ASB4: variants seen among roughly 807,000 people sequenced by gnomAD.
ASB4 encodes ankyrin repeat and SOCS box containing 4.
Under a neutral mutation model 38.6 loss-of-function variants are expected in ASB4, and 35 were observed. The ratio of observed to expected loss-of-function variants is 0.91; its 90% CI spans 0.69 to 1.20. The LOEUF (loss-of-function observed/expected upper bound fraction) is 1.20, where lower values mean the gene tolerates loss of function less well. ASB4 is among the 50% of genes most tolerant of loss of function. The pLI, the probability that ASB4 is intolerant of heterozygous loss-of-function variation, is 0.00. For synonymous variants in ASB4, 195 were observed against 201.3 expected (o/e 0.97, Z 0.26); for missense variants, 557 against 527.2 (o/e 1.06, Z -0.55).
At chr7:95,472,497 T>C in the ASB4 span, among the ~76,000 whole-genome samples, 2 of 152,180 alleles carry the variant, frequency 1.3e-5, no homozygotes, top group Non-Finnish European at 2.9e-5. Flanking sequence ...CAAGGTTCTA[T>C]CTCCCTGTGA....
At chr7:95,514,280 A>G (rs1790524747) in intron 2 of ASB4, among the ~76,000 whole-genome samples, 1 of 152,188 alleles carries the variant, frequency 6.6e-6, no homozygotes, top group African/African-American at 2.4e-5. Context: ...CCACAGTACA[A>G]TCCTTCTAGA....
chr7:95,523,894 G>A (rs1309964717), intron 2 of ASB4, among the ~76,000 whole-genome samples: 2 of 152,074 alleles, frequency 1.3e-5, no homozygotes, highest in East Asian at 1.9e-4. Context: ...AAATATTAAC[G>A]TGTCTAACTT....
At chr7:95,492,425 C>T (rs1790185552) in intron 1 of ASB4, among the ~76,000 whole-genome samples, 1 of 152,160 alleles carries the variant, frequency 6.6e-6, no homozygotes, top group South Asian at 2.1e-4. Context: ...TTCTATTCTG[C>T]TTCCACAAAG....
intron 2 of ASB4, among the ~76,000 whole-genome samples, chr7:95,497,042 A>C (rs1790261078): frequency 6.6e-6 from 1 of 151,830 alleles, no homozygotes; most frequent in African/African-American, 2.4e-5. Context: ...GGTGTGGGGT[A>C]GGGTGGGAAG....
At chr7:95,529,759 A>T (rs187646199) in intron 3 of ASB4, among the ~76,000 whole-genome samples, 2 of 152,304 alleles carry the variant, frequency 1.3e-5, no homozygotes, top group East Asian at 3.9e-4. Context: ...TCCTGTGTTG[A>T]GCTCTAAATA....
At chr7:95,477,105 A>AT (rs879286046), upstream of ASB4, among the ~76,000 whole-genome samples, 289 of 146,786 alleles carry the variant, frequency 2.0e-3, 2 homozygotes, top group Middle Eastern at 0.011. Flanking sequence ...ATTGGCTTGG[A>AT]TTTTTTTTTT....
intron 2 of ASB4, among the ~76,000 whole-genome samples, chr7:95,514,665 C>T (rs1029163063): frequency 1.3e-5 from 2 of 152,152 alleles, no homozygotes; most frequent in South Asian, 4.1e-4. Flanking sequence ...ACCTGTCTTA[C>T]CCATTTCTCA....
intron 2 of ASB4, among the ~76,000 whole-genome samples, chr7:95,524,436 G>A (rs1425621880): frequency 6.6e-6 from 1 of 152,014 alleles, no homozygotes; most frequent in Admixed American, 6.5e-5. Flanking sequence ...GATTTTCTGG[G>A]GCTAAGAGTG....
At chr7:95,522,053 CTA>C (rs1401294653) in intron 2 of ASB4, among the ~76,000 whole-genome samples, 1 of 152,058 alleles carries the variant, frequency 6.6e-6, no homozygotes, top group East Asian at 1.9e-4. Flanking sequence ...CTATGTTTGA[CTA>C]TTTCATAATT....
intron 2 of ASB4, among the ~76,000 whole-genome samples, chr7:95,507,659 A>C (rs1562814757): frequency 6.6e-6 from 1 of 152,188 alleles, no homozygotes; most frequent in Non-Finnish European, 1.5e-5. Flanking sequence ...TTGATTGTTA[A>C]AAATTTATTG....
At chr7:95,536,609 G>A in intron 4 of ASB4, 59 bp downstream of exon 4, 1 of 1,248,668 alleles carries the variant, frequency 8.0e-7, no homozygotes, top group South Asian at 1.3e-5. Flanking sequence ...GACTGCTCTA[G>A]AAGTACAGAA....
At chr7:95,549,746 A>G in the ASB4 span, among the ~76,000 whole-genome samples, 4,566 of 152,242 alleles carry the variant, frequency 0.03, 214 homozygotes, top group African/African-American at 0.1. Flanking sequence ...GCCTGCCCAG[A>G]GGGTCTAGGA....
chr7:95,506,887 T>C (rs1790417379), intron 2 of ASB4, among the ~76,000 whole-genome samples: 1 of 152,056 alleles, frequency 6.6e-6, no homozygotes, highest in South Asian at 2.1e-4. Flanking sequence ...ATTACTATTA[T>C]TTGGATATCG....
intron 1 of ASB4, among the ~76,000 whole-genome samples, chr7:95,480,296 T>C (rs977586477): frequency 1.9e-4 from 29 of 152,264 alleles, no homozygotes; most frequent in African/African-American, 6.3e-4. Context: ...GTATAAAAGC[T>C]CCATAAAGGT....
upstream of ASB4, among the ~76,000 whole-genome samples, chr7:95,478,077 G>T (rs1220994527): frequency 6.6e-6 from 1 of 152,132 alleles, no homozygotes; most frequent in African/African-American, 2.4e-5. Context: ...TAAAAAGAAC[G>T]TTACAGAGGA....
At chr7:95,477,291 T>C (rs2116562800), upstream of ASB4, among the ~76,000 whole-genome samples, 1 of 152,336 alleles carries the variant, frequency 6.6e-6, no homozygotes, top group Non-Finnish European at 1.5e-5. Context: ...TTTGAAGCTG[T>C]GTTTGTTAAT....
chr7:95,504,026 T>C (rs892808275), intron 2 of ASB4, among the ~76,000 whole-genome samples: 1 of 152,164 alleles, frequency 6.6e-6, no homozygotes, highest in Non-Finnish European at 1.5e-5. Context: ...TGTTCATCAG[T>C]TGAGAAGGCT....
chr7:95,529,576 T>C (rs1790790660), intron 3 of ASB4, among the ~76,000 whole-genome samples: 1 of 152,208 alleles, frequency 6.6e-6, no homozygotes, highest in African/African-American at 2.4e-5. Flanking sequence ...AGCAATCCTG[T>C]GATCTCAATA....
intron 2 of ASB4, among the ~76,000 whole-genome samples, chr7:95,502,348 G>A (rs2116602046): frequency 6.7e-6 from 1 of 149,022 alleles, no homozygotes; most frequent in Non-Finnish European, 1.5e-5. Flanking sequence ...ATAGGGAAGT[G>A]CTCTTACACA....
Sources: allele counts gnomAD v4.1 joint callset (sites outside exome capture counted in the v4.1 genomes callset), GRCh38; gene constraint gnomAD v4.1.1; transcripts MANE v1.5; gene names NCBI Gene and HGNC (gene_info 2026-07-23, HGNC 2026-07-21).